NARS2: variants seen among roughly 807,000 people sequenced by gnomAD.
NARS2 encodes the protein asparaginyl-tRNA synthetase.
A neutral mutation model predicts 62.9 loss-of-function variants in NARS2; 60 were observed. The ratio of observed to expected loss-of-function variants is 0.95; its 90% CI spans 0.77 to 1.18. The LOEUF (loss-of-function observed/expected upper bound fraction) is 1.18. Among genes scored for constraint, NARS2 ranks in the 50% most tolerant of loss-of-function variants. NARS2 has a pLI of 0.00. For missense variants in NARS2, 619 were observed against 576.4 expected, an observed-to-expected ratio of 1.07 and a Z score of -0.76; for synonymous variants, 196 against 200.0, an observed-to-expected ratio of 0.98 and a Z score of 0.17.
At chr11:78,551,496 A>C (rs1210902511) in intron 5 of NARS2, among the ~76,000 whole-genome samples, 1 of 152,236 alleles carries the variant, frequency 6.6e-6, no homozygotes, top group Non-Finnish European at 1.5e-5. Context: ...TATGCGGCAC[A>C]TGACTACACT....
intron 11 of NARS2, among the ~76,000 whole-genome samples, chr11:78,463,713 C>CAAAAAAAAAAAAAAAAAAAAAAAA (rs10649252): frequency 2.1e-5 from 1 of 47,986 alleles, no homozygotes; most frequent in East Asian, 8.6e-4. Context: ...TAGTTAAGGT[C>CAAAAAAAAAAAAAAAAAAAAAAAA]AAAAAAAAAA....
At position 78,485,906 on chromosome 11, in the gene NARS2, C is replaced by T. The variant is rs145289667; in HGVS notation, c.822+7157G>A. Among the ~76,000 whole-genome samples the T allele has an allele frequency of 2.5e-3, 380 of 152,216 alleles. 4 individuals are homozygous for T. In the East Asian group the frequency reaches 0.026, roughly 10 times the overall value. Reference sequence around the variant, plus strand: ...TACTATTTTTTGAGACGGAGTCTTGCTCTTGTCGCCCAGGCTGGAGTGTAG... The same window carrying T: ...TACTATTTTTTGAGACGGAGTCTTGTTCTTGTCGCCCAGGCTGGAGTGTAG... On this transcript the variant is annotated intron_variant, in intron 7 of 13. Coordinates refer to ENST00000281038, the MANE Select transcript of NARS2 (RefSeq NM_024678.6).
chr11:78,572,960 T>C (rs1198305110), intron 1 of NARS2, among the ~76,000 whole-genome samples: 1 of 152,174 alleles, frequency 6.6e-6, no homozygotes. Flanking sequence ...GTAGCTACCA[T>C]ATCAGACCTC....
chr11:78,541,898 A>T (rs1232077285), intron 5 of NARS2, among the ~76,000 whole-genome samples: 1 of 152,194 alleles, frequency 6.6e-6, no homozygotes, highest in East Asian at 1.9e-4. Context: ...AAGCCAAGGG[A>T]AACAGGCTCA....
intron 12 of NARS2, among the ~76,000 whole-genome samples, chr11:78,443,318 C>T (rs1208596607): frequency 7.2e-6 from 1 of 139,514 alleles, no homozygotes; most frequent in East Asian, 2.1e-4. Flanking sequence ...CACAGCAAGA[C>T]TCCGTCTCAA....
At chr11:78,545,546 A>T in intron 5 of NARS2, among the ~76,000 whole-genome samples, 1 of 139,126 alleles carries the variant, frequency 7.2e-6, no homozygotes, top group Non-Finnish European at 1.5e-5. Context: ...TTTTTTTGAG[A>T]CAGAGTCTTG....
intron 10 of NARS2, 56 bp downstream of exon 10, chr11:78,469,191 A>C (rs1308540423): frequency 8.4e-7 from 1 of 1,189,310 alleles, no homozygotes; most frequent in Non-Finnish European, 1.3e-6. Flanking sequence ...CAGTAAGCTA[A>C]AGACAAGAAG....
intron 2 of NARS2, among the ~76,000 whole-genome samples, chr11:78,569,443 C>A (rs1479160301): frequency 1.3e-5 from 2 of 152,188 alleles, no homozygotes; most frequent in Non-Finnish European, 2.9e-5. Context: ...GCATGAGCCA[C>A]CACGCCCAGC....
intron 6 of NARS2, among the ~76,000 whole-genome samples, chr11:78,502,380 T>C (rs550771649): frequency 1.3e-5 from 2 of 152,352 alleles, no homozygotes; most frequent in South Asian, 4.1e-4. Flanking sequence ...TTTTCCTTTG[T>C]GCACAAGCAC....
chr11:78,437,953 T>A (rs111837103), intron 13 of NARS2, among the ~76,000 whole-genome samples: 2,855 of 123,032 alleles, frequency 0.023, 88 homozygotes, highest in African/African-American at 0.086. Context: ...CCAGCCTGGG[T>A]GACAGAGTGA....
Position 78,530,619 on chromosome 11 carries a change from T to C in NARS2, c.595-1683A>G, listed in dbSNP as rs890894188. Among the ~76,000 whole-genome samples, 18 of 152,264 alleles carry C rather than the reference T, an allele frequency of 1.2e-4. No individual in the cohort carries two copies. The South Asian group carries it at 3.1e-3, about 26-fold the overall frequency. On this transcript the variant is annotated intron_variant, in intron 5 of 13. Coordinates refer to ENST00000281038, the MANE Select transcript of NARS2 (RefSeq NM_024678.6). ...CTGCCAGTAGCTGGGATTACAGGCA[T>C]TGGCCAACATGCCCAGCTAATTTTT... is the stretch of plus-strand genomic sequence containing the variant.
At chr11:78,537,980 C>A (rs1474278486) in intron 5 of NARS2, among the ~76,000 whole-genome samples, 1 of 152,276 alleles carries the variant, frequency 6.6e-6, no homozygotes, top group East Asian at 1.9e-4. Context: ...ATGGAAAATT[C>A]CAGAAATAAA....
At position 78,436,301 on chromosome 11, in the gene NARS2, G is replaced by A. The variant is rs1474220459; in HGVS notation, c.*369C>T. The A allele has an allele frequency of 6.0e-6, 1 of 166,038 alleles. No homozygotes were observed. Among genetic ancestry groups the A allele is most frequent in the African/African-American group, 2.4e-5 (1 of 41,726 alleles). 10.3% of individuals were successfully genotyped at this position (166,038 alleles called of 1,614,324 possible). On this transcript the variant is annotated 3_prime_UTR_variant, in exon 14 of 14. Coordinates refer to ENST00000281038, the MANE Select transcript of NARS2 (RefSeq NM_024678.6). ...ATTATTTTATTTCGAGCTACTAGAT[G>A]GTTCTCACAAATTACACAGGGAGTG...
chr11:78,460,614 A>G (rs1191727206), intron 11 of NARS2, among the ~76,000 whole-genome samples: 1 of 152,238 alleles, frequency 6.6e-6, no homozygotes, highest in African/African-American at 2.4e-5. Flanking sequence ...GGAGGAAATG[A>G]GAAAGGAAGA....
intron 7 of NARS2, among the ~76,000 whole-genome samples, chr11:78,485,732 AG>A (rs903134473): frequency 2.0e-5 from 3 of 152,160 alleles, no homozygotes; most frequent in Non-Finnish European, 4.4e-5. Context: ...GCCAAAATGT[AG>A]CCCCAGTTGT....
intron 6 of NARS2, among the ~76,000 whole-genome samples, chr11:78,518,619 GC>G (rs1319478461): frequency 2.0e-5 from 3 of 151,942 alleles, no homozygotes; most frequent in Non-Finnish European, 4.4e-5. Flanking sequence ...CTGGGTTCAC[GC>G]CATTCTCCTG....
intron 5 of NARS2, among the ~76,000 whole-genome samples, chr11:78,529,365 A>G (rs544570842): frequency 6.6e-6 from 1 of 152,370 alleles, no homozygotes; most frequent in Admixed American, 6.5e-5. Context: ...TTATTAAAAT[A>G]TTAATAGTAA....
At chr11:78,446,861 A>G (rs369577436) in intron 11 of NARS2, among the ~76,000 whole-genome samples, 1 of 152,194 alleles carries the variant, frequency 6.6e-6, no homozygotes, top group South Asian at 2.1e-4. Flanking sequence ...ATCAAACTAA[A>G]AAGTTTCTGC....
intron 11 of NARS2, among the ~76,000 whole-genome samples, chr11:78,457,263 C>T (rs1003276706): frequency 6.6e-6 from 1 of 152,176 alleles, no homozygotes; most frequent in African/African-American, 2.4e-5. Flanking sequence ...CCAAAAGTTA[C>T]AAGTGTAGAT....
Sources: gnomAD v4.1 joint callset for allele counts (sites outside exome capture counted in the v4.1 genomes callset) on GRCh38, gnomAD v4.1.1 for gene constraint, MANE v1.5 for transcripts, NCBI Gene and HGNC (gene_info 2026-07-23, HGNC 2026-07-21) for gene names.